CHD9: variants seen among roughly 807,000 people sequenced by gnomAD.
CHD9 encodes the protein chromodomain helicase DNA binding protein 9, also known as ATP-dependent chromatin remodeler CHD9.
Under a neutral mutation model 316.1 loss-of-function variants are expected in CHD9, and 77 were observed. The observed-to-expected ratio is 0.24, with a 90% CI of 0.20 to 0.29. CHD9 has a LOEUF of 0.29. Ranked by LOEUF, CHD9 falls within the 10% of genes least tolerant of loss-of-function variation. CHD9 has a pLI of 1.00. For synonymous variants in CHD9, 1,129 were observed against 1,158.3 expected (o/e 0.97, Z 0.51); for missense variants, 2,763 against 3,438.1 (o/e 0.80, Z 4.91).
intron 1 of CHD9, among the ~76,000 whole-genome samples, chr16:53,132,428 G>A (rs944861839): frequency 2.6e-5 from 4 of 152,020 alleles, no homozygotes; most frequent in Non-Finnish European, 4.4e-5. Context: ...GATCTTAAAC[G>A]AAAAGAAGGC....
intron 4 of CHD9, among the ~76,000 whole-genome samples, chr16:53,226,002 TAAAGA>T (rs1241856589): frequency 6.6e-6 from 1 of 152,088 alleles, no homozygotes; most frequent in Non-Finnish European, 1.5e-5. Flanking sequence ...CAATAGTTTC[TAAAGA>T]AAAGTAATGT....
chr16:53,148,671 C>A (rs1190565104), intron 1 of CHD9, among the ~76,000 whole-genome samples: 1 of 152,140 alleles, frequency 6.6e-6, no homozygotes, highest in African/African-American at 2.4e-5. Context: ...AAGTTCTTTG[C>A]CCATTTTTAA....
chr16:53,284,623 C>T (rs1216409618), intron 24 of CHD9, among the ~76,000 whole-genome samples: 1 of 151,898 alleles, frequency 6.6e-6, no homozygotes, highest in African/African-American at 2.4e-5. Flanking sequence ...TGCAAAATTG[C>T]CCATTCTAGT....
intron 1 of CHD9, among the ~76,000 whole-genome samples, chr16:53,126,509 T>C (rs2038973984): frequency 6.6e-6 from 1 of 152,116 alleles, no homozygotes; most frequent in African/African-American, 2.4e-5. Context: ...CTTTCCTCTT[T>C]TGACTATTCT....
intron 2 of CHD9, among the ~76,000 whole-genome samples, chr16:53,184,527 T>C (rs1441849882): frequency 6.6e-6 from 1 of 152,102 alleles, no homozygotes; most frequent in Non-Finnish European, 1.5e-5. Context: ...TTTTGTTTTG[T>C]AGACATGGGG....
intron 34 of CHD9, among the ~76,000 whole-genome samples, chr16:53,313,851 G>A (rs2153100118): frequency 6.6e-6 from 1 of 151,838 alleles, no homozygotes; most frequent in Middle Eastern, 3.4e-3. Flanking sequence ...TACTTGGGAG[G>A]CTGAGGCAGG....
In CHD9 at chr16:53,161,920, T is replaced by C. The variant is rs1597222730; in HGVS notation, c.1452+4379T>C. ...GGCATGCACCACCATGCCCCACTAA[T>C]TTTTGTATTTTTTTGTAGAGATGGG... is the stretch of plus-strand genomic sequence containing the variant. On this transcript the variant is annotated intron_variant, in intron 2 of 38. Coordinates refer to ENST00000447540, the MANE Select transcript of CHD9 (RefSeq NM_001308319.2). Among the ~76,000 whole-genome samples, 3 of 152,160 alleles carry C rather than the reference T, an allele frequency of 2.0e-5. No individual in the cohort carries two copies. The South Asian group carries it at 6.2e-4, about 32-fold the overall frequency.
At chr16:53,242,210 T>C (rs943746262) in intron 12 of CHD9, among the ~76,000 whole-genome samples, 1 of 152,218 alleles carries the variant, frequency 6.6e-6, no homozygotes. Flanking sequence ...TCCAACCTTA[T>C]ACTTCTTATC....
chr16:53,243,133 C>G (rs1687905544), intron 13 of CHD9, 117 bp downstream of exon 13: 1 of 633,848 alleles, frequency 1.6e-6, no homozygotes, highest in African/African-American at 1.9e-5. Flanking sequence ...ACATCTGAAT[C>G]TTATCTGTGA....
chr16:53,118,582 A>C (rs2038496303), intron 1 of CHD9, among the ~76,000 whole-genome samples: 1 of 152,128 alleles, frequency 6.6e-6, no homozygotes, highest in African/African-American at 2.4e-5. Flanking sequence ...CAATCATATA[A>C]CCTAGAATTA....
At chr16:53,249,216 G>A (rs766597137) in intron 16 of CHD9, among the ~76,000 whole-genome samples, 2 of 152,128 alleles carry the variant, frequency 1.3e-5, no homozygotes, top group Non-Finnish European at 2.9e-5. Context: ...CGGAGAGACT[G>A]CTAAAACTCT....
In CHD9 at chr16:53,270,469, C is replaced by T. The variant is rs182677086; in HGVS notation, c.4717+2343C>T. ...CCTCTGTTAAATTAAATTTAGATACCACTAAATATCTTTTAGATATTGCTA... is the reference window on the plus strand; with the variant it reads ...CCTCTGTTAAATTAAATTTAGATACTACTAAATATCTTTTAGATATTGCTA... On this transcript the variant is annotated intron_variant, in intron 22 of 38. Transcript: ENST00000447540. Among the ~76,000 whole-genome samples the T allele has an allele frequency of 1.5e-3, 221 of 151,694 alleles. 1 individual carries two copies. The highest frequency in any genetic ancestry group is 1.5e-3 in the Non-Finnish European group (103 of 67,928).
chr16:53,271,689 C>T (rs1014657199), intron 22 of CHD9, among the ~76,000 whole-genome samples: 2 of 151,848 alleles, frequency 1.3e-5, no homozygotes, highest in Non-Finnish European at 2.9e-5. Context: ...TTCAAAGATA[C>T]TTCAAATATA....
chr16:53,304,371 G>A lies in CHD9; in HGVS notation c.6365G>A (p.Arg2122Lys). The stretch of plus-strand genomic sequence containing the variant: ...CCAAACCCAGCTTCTAAGAAACCAA[G>A]AGTCCACAAAAGGGGATCAGAATCT... ...LTPNPASKKP[R>K]VHKRGSESSS... The change falls in exon 31 of 39, where the codon AGA (arginine) becomes AAA (lysine). Residue 2122 changes from arginine (R) to lysine (K), a missense_variant. Physicochemically the swap from Arg to Lys is conservative, Grantham distance 26 (BLOSUM62 2). Transcript: ENST00000447540. 5 of 1,613,374 alleles carry A rather than the reference G, an allele frequency of 3.1e-6. No individual in the cohort carries two copies. The highest frequency in any genetic ancestry group is 4.2e-6 in the Non-Finnish European group (5 of 1,179,808).
At chr16:53,232,543 T>G (rs919536202) in intron 10 of CHD9, among the ~76,000 whole-genome samples, 1 of 152,090 alleles carries the variant, frequency 6.6e-6, no homozygotes, top group African/African-American at 2.4e-5. Context: ...TGTTTTTTTG[T>G]TTTGTTTTGT....
At position 53,297,086 on chromosome 16, in the gene CHD9, G is replaced by A. The variant is rs375539188; in HGVS notation, c.5641G>A (p.Asp1881Asn). ...GGCTAGGCTACATAAGAAAACTGAT[G>A]ATAGTTTGGAAAAATATTTGTACGC... ...AMARLHKKTD[D>N]SLEKYLYAFM... The change falls in exon 30 of 39, where the codon GAT (aspartate) becomes AAT (asparagine). Residue 1881 changes from aspartate to asparagine, a missense_variant. By Grantham distance (23) the Asp-to-Asn change is conservative (BLOSUM62 1). Coordinates refer to ENST00000447540, the MANE Select transcript of CHD9 (RefSeq NM_001308319.2). The A allele has an allele frequency of 1.2e-5, 19 of 1,613,726 alleles. No individual in the cohort carries two copies. The highest frequency in any genetic ancestry group is 1.5e-5 in the Non-Finnish European group (18 of 1,179,828).
intron 2 of CHD9, among the ~76,000 whole-genome samples, chr16:53,205,234 C>G (rs2045805859): frequency 6.6e-6 from 1 of 152,118 alleles, no homozygotes. Context: ...ATCACACTTA[C>G]AGAAAAATTG....
chr16:53,324,043 T>C lies in CHD9; in HGVS notation c.7842T>C (p.Tyr2614=). The C allele has an allele frequency of 1.2e-6, 2 of 1,611,678 alleles. No individual in the cohort carries two copies. Reference sequence around the variant, plus strand: ...AGGGATTTCTTCCAGAAAGCATGTATGAACGTATTCTCACTGGTCCCGTTG... The same window carrying C: ...AGGGATTTCTTCCAGAAAGCATGTACGAACGTATTCTCACTGGTCCCGTTG... ...KQSGFLPESM[Y]ERILTGPVVR... The change falls in exon 39 of 39, where the codon TAT becomes TAC. Residue 2614 remains tyrosine, a synonymous_variant. Coordinates refer to ENST00000447540, the MANE Select transcript of CHD9 (RefSeq NM_001308319.2).
At chr16:53,112,707 T>G (rs2037963546) in intron 1 of CHD9, among the ~76,000 whole-genome samples, 1 of 152,128 alleles carries the variant, frequency 6.6e-6, no homozygotes, top group Non-Finnish European at 1.5e-5. Flanking sequence ...TGCTTATGAA[T>G]ATTATCTATA....
Sources: allele counts gnomAD v4.1 joint callset (sites outside exome capture counted in the v4.1 genomes callset), GRCh38; gene constraint gnomAD v4.1.1; transcripts MANE v1.5; gene names NCBI Gene and HGNC (gene_info 2026-07-23, HGNC 2026-07-21).